Variants in CNTNAP2 observed in about 807,000 individuals in gnomAD.
CNTNAP2 encodes the protein contactin-associated protein-like 2.
Under a neutral mutation model 155.2 loss-of-function variants are expected in CNTNAP2, and 98 were observed. The ratio of observed to expected loss-of-function variants is 0.63; its 90% CI spans 0.54 to 0.75. CNTNAP2 has a LOEUF of 0.75. Ranked by LOEUF, CNTNAP2 falls within the 30% of genes least tolerant of loss-of-function variation. CNTNAP2 has a pLI of 0.00. For synonymous variants in CNTNAP2, 651 were observed against 631.2 expected (o/e 1.03, Z -0.47); for missense variants, 1,727 against 1,688.1 (o/e 1.02, Z -0.40).
At chr7:146,915,854 T>A (rs1056870656) in intron 3 of CNTNAP2, 1 of 152,154 alleles carries the variant, frequency 6.6e-6, no homozygotes, top group African/African-American at 2.4e-5. Context: ...TCCAGTACTA[T>A]GTTGAATAGA....
intron 1 of CNTNAP2, among the ~76,000 whole-genome samples, chr7:146,405,075 T>C (rs1196601376): frequency 6.6e-6 from 1 of 152,102 alleles, no homozygotes; most frequent in African/African-American, 2.4e-5. Context: ...ATATTTGGAA[T>C]TGGAAGTAAA....
chr7:147,184,672 A>T (rs1802528585), intron 8 of CNTNAP2, among the ~76,000 whole-genome samples: 1 of 152,144 alleles, frequency 6.6e-6, no homozygotes, highest in South Asian at 2.1e-4. Context: ...GTGAGTCAGC[A>T]CATTAATTGG....
intron 15 of CNTNAP2, among the ~76,000 whole-genome samples, chr7:148,004,783 T>C (rs1286951876): frequency 6.6e-6 from 1 of 152,210 alleles, no homozygotes; most frequent in Non-Finnish European, 1.5e-5. Flanking sequence ...GGTTAGATTT[T>C]TAAATAGAAC....
chr7:146,776,915 G>A (rs1047044850), intron 2 of CNTNAP2, among the ~76,000 whole-genome samples: 15 of 152,082 alleles, frequency 9.9e-5, no homozygotes, highest in Non-Finnish European at 1.8e-4. Context: ...TGGATTTGAG[G>A]AGTATCTTTA....
At chr7:146,156,800 C>T (rs769420085) in intron 1 of CNTNAP2, among the ~76,000 whole-genome samples, 13 of 152,126 alleles carry the variant, frequency 8.5e-5, no homozygotes, top group Non-Finnish European at 1.0e-4. Context: ...CAGGTTTCAC[C>T]ATGTTGGCCA....
chr7:146,989,915 A>G (rs1003701192), intron 3 of CNTNAP2, among the ~76,000 whole-genome samples: 2 of 99,704 alleles, frequency 2.0e-5, no homozygotes, highest in African/African-American at 6.5e-5. Flanking sequence ...TGTTAGTGCC[A>G]TTGATTTTTT....
chr7:146,333,718 C>T (rs1801223153), intron 1 of CNTNAP2, among the ~76,000 whole-genome samples: 1 of 152,134 alleles, frequency 6.6e-6, no homozygotes, highest in South Asian at 2.1e-4. Context: ...AAAATTATTT[C>T]TTGCTCATTT....
chr7:146,183,655 A>C (rs1189887143), intron 1 of CNTNAP2, among the ~76,000 whole-genome samples: 1 of 149,730 alleles, frequency 6.7e-6, no homozygotes, highest in Non-Finnish European at 1.5e-5. Context: ...TGTCACTGCA[A>C]TTCCTACTAG....
intron 2 of CNTNAP2, among the ~76,000 whole-genome samples, chr7:146,795,461 A>G (rs1332920920): frequency 6.6e-6 from 1 of 152,204 alleles, no homozygotes; most frequent in Non-Finnish European, 1.5e-5. Flanking sequence ...TCCTGGGGAA[A>G]ACTAGCAAGG....
At chr7:146,123,195 C>A (rs1263717606) in intron 1 of CNTNAP2, among the ~76,000 whole-genome samples, 2 of 152,090 alleles carry the variant, frequency 1.3e-5, no homozygotes, top group African/African-American at 4.8e-5. Context: ...TACAGAGGAG[C>A]TCCTGGGGGC....
At chr7:146,701,558 T>C (rs1023558680) in intron 1 of CNTNAP2, among the ~76,000 whole-genome samples, 1 of 152,184 alleles carries the variant, frequency 6.6e-6, no homozygotes, top group Non-Finnish European at 1.5e-5. Context: ...AGGGGTATTA[T>C]TTAGAGTTTA....
intron 3 of CNTNAP2, among the ~76,000 whole-genome samples, chr7:146,997,353 G>A (rs1486468144): frequency 1.3e-5 from 2 of 152,240 alleles, no homozygotes; most frequent in East Asian, 3.9e-4. Flanking sequence ...TGTCCACTCT[G>A]TTAGTGTGAT....
At chr7:147,590,113 C>A (rs1381344750) in intron 12 of CNTNAP2, among the ~76,000 whole-genome samples, 1 of 152,124 alleles carries the variant, frequency 6.6e-6, no homozygotes, top group Non-Finnish European at 1.5e-5. Flanking sequence ...TCTTTCCAAC[C>A]ATTTAAAAGT....
intron 16 of CNTNAP2, 120 bp from the exon 17 acceptor site, chr7:148,147,371 T>C: frequency 2.1e-6 from 2 of 957,348 alleles, no homozygotes; most frequent in South Asian, 2.6e-5. Flanking sequence ...TCGACCTTTG[T>C]AGGACGTGAC....
intron 16 of CNTNAP2, among the ~76,000 whole-genome samples, chr7:148,138,644 G>C (rs1487413941): frequency 3.3e-5 from 5 of 152,156 alleles, no homozygotes; most frequent in Non-Finnish European, 7.3e-5. Context: ...ATGAGTTTCA[G>C]AGTTTCTCTA....
intron 15 of CNTNAP2, among the ~76,000 whole-genome samples, chr7:148,043,201 G>A (rs557444938): frequency 6.6e-6 from 1 of 152,284 alleles, no homozygotes; most frequent in East Asian, 1.9e-4. Context: ...CCACTTTACA[G>A]CCCTTGCAAA....
In CNTNAP2 at chr7:146,352,824, G is replaced by A. The variant is rs567568436; in HGVS notation, c.97+235851G>A. Among the ~76,000 whole-genome samples, 31 of 133,050 alleles carry A rather than the reference G, an allele frequency of 2.3e-4. 1 individual carries two copies. The highest frequency in any genetic ancestry group is 1.6e-3 in the Admixed American group (17 of 10,920). 87.3% of individuals were successfully genotyped at this position (133,050 alleles called of 152,430 possible). A position where few individuals can be genotyped will look rare whatever the true frequency, so the allele number is the denominator to read the frequency against. ...GGCTGGAGTTCAGTGGTGCGATCTC[G>A]GCTCACTGCAAGCTCCGCCTCCCGG... On this transcript the variant is annotated intron_variant, in intron 1 of 23. Transcript: ENST00000361727.
At chr7:146,243,970 G>A (rs993491541) in intron 1 of CNTNAP2, among the ~76,000 whole-genome samples, 2 of 152,160 alleles carry the variant, frequency 1.3e-5, no homozygotes, top group East Asian at 3.9e-4. Context: ...GGAACCTAGA[G>A]TGGGAGAGAT....
intron 3 of CNTNAP2, among the ~76,000 whole-genome samples, chr7:146,885,928 G>A (rs868028702): frequency 7.0e-6 from 1 of 141,852 alleles, no homozygotes; most frequent in African/African-American, 2.6e-5. Flanking sequence ...TATGTAAGTC[G>A]GTGTGTGTGT....
Sources: allele counts gnomAD v4.1 joint callset (sites outside exome capture counted in the v4.1 genomes callset), GRCh38; gene constraint gnomAD v4.1.1; transcripts MANE v1.5; gene names NCBI Gene and HGNC (gene_info 2026-07-23, HGNC 2026-07-21).